SNTG1: variants seen among roughly 807,000 people sequenced by gnomAD.
SNTG1 encodes the protein syntrophin gamma 1.
A neutral mutation model predicts 74.7 loss-of-function variants in SNTG1; 39 were observed. The observed-to-expected ratio is 0.52, with a 90% CI of 0.40 to 0.68. The LOEUF is 0.68. SNTG1 is among the 30% of genes least tolerant of loss of function. The pLI is 0.00. For missense variants in SNTG1, 685 were observed against 609.5 expected (o/e 1.12, Z -1.30); for synonymous variants, 254 against 217.1 (o/e 1.17, Z -1.49).
intron 1 of SNTG1, among the ~76,000 whole-genome samples, chr8:49,940,322 G>T (rs1808568872): frequency 6.6e-6 from 1 of 152,150 alleles, no homozygotes; most frequent in Non-Finnish European, 1.5e-5. Flanking sequence ...CTGAGGAATG[G>T]CTGTGCCCAC....
intron 1 of SNTG1, among the ~76,000 whole-genome samples, chr8:50,056,162 C>G (rs1165041875): frequency 6.6e-6 from 1 of 152,104 alleles, no homozygotes; most frequent in Non-Finnish European, 1.5e-5. Flanking sequence ...TTCCCCGGTA[C>G]TCCTGCTTTA....
chr8:50,074,837 C>T (rs1380376161), intron 1 of SNTG1, among the ~76,000 whole-genome samples: 1 of 152,168 alleles, frequency 6.6e-6, no homozygotes, highest in Non-Finnish European at 1.5e-5. Flanking sequence ...CCAACTCCCT[C>T]TGCTTGCGAG....
chr8:50,746,746 A>G (rs2095555886), intron 17 of SNTG1, among the ~76,000 whole-genome samples: 1 of 150,780 alleles, frequency 6.6e-6, no homozygotes, highest in South Asian at 2.1e-4. Context: ...CTGGGTGTGG[A>G]GTGGATATGA....
chr8:49,936,849 C>T (rs1397566045), intron 1 of SNTG1, among the ~76,000 whole-genome samples: 1 of 152,144 alleles, frequency 6.6e-6, no homozygotes, highest in African/African-American at 2.4e-5. Context: ...CCTAGATGAA[C>T]TTCAAAACAG....
chr8:50,611,022 C>T (rs996071458), intron 13 of SNTG1, among the ~76,000 whole-genome samples: 51 of 151,908 alleles, frequency 3.4e-4, no homozygotes, highest in African/African-American at 1.2e-3. Context: ...AATTAAGGAA[C>T]TGTTTAAAAA....
Position 50,389,996 on chromosome 8 carries a change from T to G in SNTG1, c.-27-4216T>G, listed in dbSNP as rs1343448443. ...TTCTGGATATTAGCCCTTTGTCAGA[T>G]GAGTAGATTGCAAAAATTTTCTCCC... is the stretch of plus-strand genomic sequence containing the variant. On this transcript the variant is annotated intron_variant, in intron 2 of 18. Transcript: ENST00000642720. 3.9e-5 allele frequency among the ~76,000 whole-genome samples: 6 copies of G among 152,316 alleles called. No individual in the cohort carries two copies. The South Asian group carries it at 1.2e-3, about 32-fold the overall frequency.
Position 50,295,478 on chromosome 8 carries a change from C to T in SNTG1, c.-27-98734C>T, listed in dbSNP as rs185345398. On this transcript the variant is annotated intron_variant, in intron 2 of 18. Transcript: ENST00000642720. ...TTTGAAATACGATTTTTTATCCAAACAGAGCAGTGTTTCATTGAACATATT... is the reference window on the plus strand; with the variant it reads ...TTTGAAATACGATTTTTTATCCAAATAGAGCAGTGTTTCATTGAACATATT... Among the ~76,000 whole-genome samples the T allele has an allele frequency of 2.4e-4, 36 of 152,188 alleles. No individual in the cohort carries two copies. In the East Asian group the frequency reaches 6.8e-3, roughly 29 times the overall value.
chr8:50,153,154 T>G (rs1277668535), intron 1 of SNTG1, among the ~76,000 whole-genome samples: 1 of 152,208 alleles, frequency 6.6e-6, no homozygotes, highest in Non-Finnish European at 1.5e-5. Context: ...TTTTATTCAT[T>G]CGATCTTCAA....
At chr8:50,356,638 G>A (rs758157640) in intron 2 of SNTG1, among the ~76,000 whole-genome samples, 16 of 152,074 alleles carry the variant, frequency 1.1e-4, no homozygotes, top group South Asian at 6.2e-4. Context: ...AAGGCAAAAA[G>A]GGACAATCTC....
chr8:50,078,973 G>A (rs1288698395), intron 1 of SNTG1, among the ~76,000 whole-genome samples: 2 of 152,132 alleles, frequency 1.3e-5, no homozygotes, highest in African/African-American at 2.4e-5. Flanking sequence ...GAGCATTTGG[G>A]TTGGTTCCAA....
chr8:50,614,193 A>G (rs994109140), intron 13 of SNTG1, among the ~76,000 whole-genome samples: 3 of 152,162 alleles, frequency 2.0e-5, no homozygotes, highest in African/African-American at 7.2e-5. Flanking sequence ...ATTACAAAGG[A>G]ATAAGAAAAA....
intron 9 of SNTG1, among the ~76,000 whole-genome samples, chr8:50,515,861 C>T (rs1010848329): frequency 2.3e-4 from 35 of 151,982 alleles, no homozygotes; most frequent in South Asian, 1.2e-3. Context: ...GGGGAAGGGG[C>T]GGCTGTGGGC....
intron 1 of SNTG1, among the ~76,000 whole-genome samples, chr8:50,151,846 G>A (rs2082080544): frequency 6.6e-6 from 1 of 152,088 alleles, no homozygotes; most frequent in Non-Finnish European, 1.5e-5. Context: ...TGTCAATTTT[G>A]GAATAAGTGC....
chr8:50,694,351 A>G (rs906859360), intron 15 of SNTG1, among the ~76,000 whole-genome samples: 2 of 152,114 alleles, frequency 1.3e-5, no homozygotes, highest in African/African-American at 4.8e-5. Flanking sequence ...AAATGAATAC[A>G]TTCTGGGACA....
chr8:49,996,212 T>C (rs1251629988), intron 1 of SNTG1, among the ~76,000 whole-genome samples: 2 of 152,128 alleles, frequency 1.3e-5, no homozygotes, highest in African/African-American at 2.4e-5. Flanking sequence ...CTAATAATAC[T>C]GCTTGTTTTC....
chr8:50,634,157 C>T (rs2095023181), intron 13 of SNTG1, among the ~76,000 whole-genome samples: 1 of 152,184 alleles, frequency 6.6e-6, no homozygotes, highest in Non-Finnish European at 1.5e-5. Flanking sequence ...AAACACAAGG[C>T]TGTTCTCATG....
chr8:50,644,029 G>A (rs971782159), intron 13 of SNTG1: 2 of 152,198 alleles, frequency 1.3e-5, no homozygotes, highest in Admixed American at 1.3e-4. Context: ...CTCAACTGCA[G>A]GGCTCCACAG....
chr8:50,104,386 T>A (rs1456624432), intron 1 of SNTG1, among the ~76,000 whole-genome samples: 2 of 152,196 alleles, frequency 1.3e-5, no homozygotes, highest in Non-Finnish European at 2.9e-5. Context: ...TAGTTTGTAT[T>A]TCTGTGGGAT....
At chr8:50,690,564 G>T (rs1379272668) in intron 15 of SNTG1, among the ~76,000 whole-genome samples, 4 of 152,136 alleles carry the variant, frequency 2.6e-5, no homozygotes, top group African/African-American at 7.2e-5. Context: ...GGTTTTGAGT[G>T]AGTTTCTTAA....
Sources: gnomAD v4.1 joint callset for allele counts (sites outside exome capture counted in the v4.1 genomes callset) on GRCh38, gnomAD v4.1.1 for gene constraint, MANE v1.5 for transcripts, NCBI Gene and HGNC (gene_info 2026-07-23, HGNC 2026-07-21) for gene names.